The following VRK2 variants were observed in gnomAD, a reference collection of about 807,000 sequenced individuals.
VRK2 encodes VRK serine/threonine kinase 2.
Under a neutral mutation model 57.6 loss-of-function variants are expected in VRK2, and 60 were observed. The ratio of observed to expected loss-of-function variants is 1.04; its 90% CI spans 0.85 to 1.29. The LOEUF is 1.29. VRK2 is among the 50% of genes most tolerant of loss of function. The pLI is 0.00. For synonymous variants in VRK2, 231 were observed against 199.2 expected (o/e 1.16, Z -1.35); for missense variants, 705 against 588.1 (o/e 1.20, Z -2.06).
chr2:58,097,036 G>T (rs1023090877), intron 7 of VRK2, among the ~76,000 whole-genome samples: 1 of 151,936 alleles, frequency 6.6e-6, no homozygotes. Context: ...TTTATAATAA[G>T]TTTACTCTTT....
chr2:58,147,152 A>C (rs751639703), intron 12 of VRK2: 13 of 518,046 alleles, frequency 2.5e-5, no homozygotes, highest in Non-Finnish European at 4.6e-5. Context: ...AATCAAGAAA[A>C]ATTGATATAT....
chr2:57,919,118 G>A (rs1021282316), intron 1 of VRK2, among the ~76,000 whole-genome samples: 10 of 152,112 alleles, frequency 6.6e-5, no homozygotes, highest in South Asian at 6.2e-4. Context: ...CCTGTATAGA[G>A]TCCACTGAAT....
At chr2:58,148,481 T>C (rs543342148) in intron 12 of VRK2, among the ~76,000 whole-genome samples, 1 of 151,994 alleles carries the variant, frequency 6.6e-6, no homozygotes, top group Non-Finnish European at 1.5e-5. Flanking sequence ...TCTTAGGATG[T>C]GCAGAAGCTT....
At chr2:58,013,485 G>T (rs1673473929) in intron 1 of VRK2, among the ~76,000 whole-genome samples, 1 of 152,184 alleles carries the variant, frequency 6.6e-6, no homozygotes, top group Non-Finnish European at 1.5e-5. Context: ...TATCTGAAAT[G>T]TTTGAATCTG....
At chr2:58,076,626 T>A (rs544521514) in intron 2 of VRK2, among the ~76,000 whole-genome samples, 116 of 152,070 alleles carry the variant, frequency 7.6e-4, no homozygotes, top group African/African-American at 2.7e-3. Context: ...TTTGAATTAT[T>A]TTGGTAAATT....
chr2:58,090,503 A>G (rs1298236381), intron 7 of VRK2, among the ~76,000 whole-genome samples: 1 of 152,118 alleles, frequency 6.6e-6, no homozygotes, highest in Non-Finnish European at 1.5e-5. Flanking sequence ...AGCCATTAGC[A>G]GTATGTGGCT....
At chr2:58,070,330 G>A (rs554587588) in intron 2 of VRK2, among the ~76,000 whole-genome samples, 5 of 152,082 alleles carry the variant, frequency 3.3e-5, no homozygotes, top group East Asian at 1.9e-4. Flanking sequence ...GGTTACAGAC[G>A]TGCACCACTG....
intron 1 of VRK2, among the ~76,000 whole-genome samples, chr2:57,999,475 AT>A (rs1181767665): frequency 6.6e-6 from 1 of 152,188 alleles, no homozygotes; most frequent in Non-Finnish European, 1.5e-5. Flanking sequence ...ATCAAATCAA[AT>A]AGCTTTGTGT....
At chr2:58,137,001 A>G (rs1272790474) in intron 10 of VRK2, among the ~76,000 whole-genome samples, 36 of 130,704 alleles carry the variant, frequency 2.8e-4, no homozygotes, top group Admixed American at 5.7e-4. Flanking sequence ...TGTATATATC[A>G]TATATATTAT....
chr2:58,028,244 T>C (rs900894767), intron 2 of VRK2: 1 of 152,078 alleles, frequency 6.6e-6, no homozygotes, highest in African/African-American at 2.4e-5. Context: ...CACTTAAGAG[T>C]GACAAGAGGT....
intron 7 of VRK2, among the ~76,000 whole-genome samples, chr2:58,121,541 C>T (rs1213592054): frequency 6.6e-6 from 1 of 152,144 alleles, no homozygotes; most frequent in Non-Finnish European, 1.5e-5. Context: ...GAGAGACAAA[C>T]TGAAATATTT....
intron 9 of VRK2, among the ~76,000 whole-genome samples, chr2:58,134,563 A>C: frequency 7.0e-6 from 1 of 142,318 alleles, no homozygotes; most frequent in African/African-American, 2.7e-5. Context: ...GTGAGCCGAG[A>C]TTGCGCCACT....
At chr2:58,144,648 T>G (rs1192590853) in intron 11 of VRK2, among the ~76,000 whole-genome samples, 1 of 151,978 alleles carries the variant, frequency 6.6e-6, no homozygotes, top group Non-Finnish European at 1.5e-5. Flanking sequence ...ACCCTTTGTT[T>G]CACACTAATG....
intron 2 of VRK2, among the ~76,000 whole-genome samples, chr2:58,052,209 A>G (rs17049321): frequency 0.097 from 14,794 of 152,216 alleles, 780 homozygotes; most frequent in African/African-American, 0.11. Flanking sequence ...TAATTGTGAT[A>G]ATAATAATTG....
chr2:58,116,703 A>G (rs533399279), intron 7 of VRK2, among the ~76,000 whole-genome samples: 7 of 152,328 alleles, frequency 4.6e-5, no homozygotes, highest in African/African-American at 7.2e-5. Flanking sequence ...TAAGCCAAGA[A>G]GGAGTCAGTC....
At position 57,943,313 on chromosome 2, in the gene VRK2, A is replaced by T. The variant is rs141220243; in HGVS notation, c.-439+35474A>T. ...TCCAATTGAACTTCATTACTTGCCA[A>T]TTTTATGGCAAATAGCATACTATAT... On this transcript the variant is annotated intron_variant, in intron 1 of 15. Coordinates refer to the VRK2 transcript ENST00000417641. 1.6e-4 allele frequency among the ~76,000 whole-genome samples: 25 copies of T among 152,338 alleles called. No individual in the cohort carries two copies. In the East Asian group the frequency reaches 4.8e-3, roughly 29 times the overall value.
Position 58,159,478 on chromosome 2 carries a change from A to G in VRK2, c.1312A>G (p.Ser438Gly), listed in dbSNP as rs1325171728. The G allele has an allele frequency of 8.1e-6, 13 of 1,613,734 alleles. No homozygotes were observed. Among genetic ancestry groups the G allele is most frequent in the Non-Finnish European group, 1.1e-5 (13 of 1,179,762 alleles). Residue 438 changes from serine (S) to glycine (G), a missense_variant, in exon 13 of 13, where the codon AGT becomes GGT. By Grantham distance (56) the Ser-to-Gly change is moderately conservative (BLOSUM62 0). Transcript: ENST00000340157. ...SFYEPHQDFT[S>G]PDIFKKSRSP... Reference sequence around the variant, plus strand: ...TTATGAGCCTCATCAAGATTTTACCAGTCCAGATATATTCAAGAAGTCAAG... The same window carrying G: ...TTATGAGCCTCATCAAGATTTTACCGGTCCAGATATATTCAAGAAGTCAAG...
chr2:58,120,235 GGCTGGAGTGCA>G (rs1677264799), intron 7 of VRK2, among the ~76,000 whole-genome samples: 1 of 120,026 alleles, frequency 8.3e-6, no homozygotes, highest in African/African-American at 3.7e-5. Flanking sequence ...CTGTTGCCCA[GGCTGGAGTGCA>G]GTGGCACAAT....
chr2:57,958,653 C>A (rs1671662441), intron 1 of VRK2, among the ~76,000 whole-genome samples: 1 of 151,874 alleles, frequency 6.6e-6, no homozygotes, highest in South Asian at 2.1e-4. Flanking sequence ...GCAGTTAATT[C>A]TACTGCTACA....
Sources: gnomAD v4.1 joint callset for allele counts (sites outside exome capture counted in the v4.1 genomes callset) on GRCh38, gnomAD v4.1.1 for gene constraint, MANE v1.5 for transcripts, NCBI Gene and HGNC (gene_info 2026-07-23, HGNC 2026-07-21) for gene names.